Variants in EYS observed in about 807,000 individuals in gnomAD.
EYS encodes the protein protein eyes shut homolog.
A neutral mutation model predicts 282.1 loss-of-function variants in EYS; 250 were observed. The ratio of observed to expected loss-of-function variants is 0.89; its 90% CI spans 0.80 to 0.98. The LOEUF (loss-of-function observed/expected upper bound fraction) is 0.98, where lower values mean the gene tolerates loss of function less well. Among genes scored for constraint, EYS ranks in the 50% least tolerant of loss-of-function variants. The pLI is 0.00. For missense variants in EYS, 4,016 were observed against 3,709.0 expected, an observed-to-expected ratio of 1.08 and a Z score of -2.15; for synonymous variants, 1,355 against 1,282.9, an observed-to-expected ratio of 1.06 and a Z score of -1.20.
intron 35 of EYS, among the ~76,000 whole-genome samples, chr6:63,971,132 T>C (rs1361077264): frequency 1.3e-5 from 2 of 152,174 alleles, no homozygotes; most frequent in African/African-American, 4.8e-5. Flanking sequence ...CCTTACAAAG[T>C]TGTAAAGTAG....
intron 35 of EYS, among the ~76,000 whole-genome samples, chr6:63,980,741 T>A (rs12211469): frequency 0.24 from 35,940 of 151,678 alleles, 5,325 homozygotes; most frequent in Non-Finnish European, 0.33. Context: ...TTTAGAACTC[T>A]GCCTAGATGG....
At chr6:64,947,141 A>G (rs572281575) in intron 14 of EYS, among the ~76,000 whole-genome samples, 1 of 151,972 alleles carries the variant, frequency 6.6e-6, no homozygotes, top group African/African-American at 2.4e-5. Context: ...CCCTATGTTT[A>G]ATTAATGTTG....
intron 11 of EYS, among the ~76,000 whole-genome samples, chr6:65,315,543 G>A (rs1303340933): frequency 2.0e-5 from 3 of 151,286 alleles, no homozygotes; most frequent in African/African-American, 7.3e-5. Flanking sequence ...GAAATCATCT[G>A]TATAAATCTT....
intron 2 of EYS, among the ~76,000 whole-genome samples, chr6:65,619,570 G>A (rs1342771247): frequency 6.6e-6 from 1 of 151,936 alleles, no homozygotes; most frequent in African/African-American, 2.4e-5. Context: ...AATTGCCCTG[G>A]CCAGAACTTC....
At chr6:63,888,951 C>T (rs147224103) in intron 35 of EYS, among the ~76,000 whole-genome samples, 3,685 of 152,146 alleles carry the variant, frequency 0.024, 154 homozygotes, top group African/African-American at 0.085. Flanking sequence ...CATAAATGAC[C>T]TGATGGAGCT....
At chr6:65,134,131 G>A (rs1389547558) in intron 12 of EYS, among the ~76,000 whole-genome samples, 1 of 152,086 alleles carries the variant, frequency 6.6e-6, no homozygotes, top group Non-Finnish European at 1.5e-5. Flanking sequence ...GGCAAAAATT[G>A]TGGAGAAAAG....
At chr6:64,489,854 C>T (rs1562022486) in intron 26 of EYS, among the ~76,000 whole-genome samples, 1 of 150,502 alleles carries the variant, frequency 6.6e-6, no homozygotes, top group East Asian at 2.0e-4. Flanking sequence ...ATTGTGGAGC[C>T]CTTTACAAAG....
chr6:64,318,465 C>T lies in EYS; in HGVS notation c.6079-11383G>A, dbSNP rs183638410. ...ATATAGACTGCTGTATACAATATTC[C>T]AGATTTACAACTCAACAATTTTAAA... On this transcript the variant is annotated intron_variant, in intron 29 of 42. Coordinates refer to ENST00000503581, the MANE Select transcript of EYS (RefSeq NM_001142800.2). 6.6e-5 allele frequency among the ~76,000 whole-genome samples: 10 copies of T among 151,994 alleles called. No individual in the cohort carries two copies. The East Asian group carries it at 1.9e-3, about 29-fold the overall frequency.
intron 31 of EYS, among the ~76,000 whole-genome samples, chr6:64,100,643 T>C (rs1482173713): frequency 6.6e-6 from 1 of 152,174 alleles, no homozygotes; most frequent in African/African-American, 2.4e-5. Flanking sequence ...AAAAGTAAAC[T>C]TACATTTGCT....
At chr6:65,012,810 C>CAAAAAAAAA (rs3033918) in intron 13 of EYS, among the ~76,000 whole-genome samples, 2 of 117,656 alleles carry the variant, frequency 1.7e-5, no homozygotes, top group Non-Finnish European at 1.8e-5. Context: ...CCAAGTACAG[C>CAAAAAAAAA]AAAAAAAAAA....
chr6:65,287,112 G>A (rs1278655822), intron 12 of EYS, among the ~76,000 whole-genome samples: 1 of 151,200 alleles, frequency 6.6e-6, no homozygotes, highest in Non-Finnish European at 1.5e-5. Context: ...GAAATAGAAT[G>A]TCTATACACC....
At chr6:65,355,156 A>G (rs1178085051) in intron 8 of EYS, among the ~76,000 whole-genome samples, 1 of 152,100 alleles carries the variant, frequency 6.6e-6, no homozygotes, top group Non-Finnish European at 1.5e-5. Context: ...GATCCTGTAG[A>G]GTCATTTCTT....
At chr6:65,330,965 T>C in intron 11 of EYS, 1 of 984,406 alleles carries the variant, frequency 1.0e-6, no homozygotes, top group Non-Finnish European at 1.2e-6. Flanking sequence ...AAATTTCTCA[T>C]ATATTGAGTT....
intron 35 of EYS, among the ~76,000 whole-genome samples, chr6:63,964,887 G>T (rs1408308128): frequency 6.6e-6 from 1 of 152,190 alleles, no homozygotes; most frequent in Non-Finnish European, 1.5e-5. Flanking sequence ...AGATGAGGCA[G>T]TTACTGTCAT....
intron 22 of EYS, among the ~76,000 whole-genome samples, chr6:64,708,737 T>C (rs1194803403): frequency 6.6e-6 from 1 of 152,198 alleles, no homozygotes; most frequent in African/African-American, 2.4e-5. Context: ...ACTCACTACA[T>C]GTATAGCATC....
chr6:63,736,035 A>G (rs551605209), intron 41 of EYS, among the ~76,000 whole-genome samples: 24 of 152,268 alleles, frequency 1.6e-4, no homozygotes, highest in African/African-American at 5.5e-4. Flanking sequence ...AGATGATCAA[A>G]TATACAAATA....
At position 64,950,819 on chromosome 6, in the gene EYS, ATATATATATATATATT is replaced by A. The variant is rs1406264286; in HGVS notation, c.2260-4921_2260-4906del. Among the ~76,000 whole-genome samples the A allele has an allele frequency of 8.6e-4, 98 of 114,516 alleles. 2 individuals carry two copies. The highest frequency in any genetic ancestry group is 2.9e-3 in the African/African-American group (95 of 33,332). 75.1% of individuals were successfully genotyped at this position (114,516 alleles called of 152,430 possible). ...TATACATATATATATATATATATAT[ATATATATATATATATT>A]GTTGAATTGTTACAAGAACAACTGA... On this transcript the variant is annotated intron_variant, in intron 14 of 42. Coordinates refer to ENST00000503581, the MANE Select transcript of EYS (RefSeq NM_001142800.2).
chr6:64,222,859 A>C (rs1766142048), intron 31 of EYS, among the ~76,000 whole-genome samples: 1 of 151,994 alleles, frequency 6.6e-6, no homozygotes, highest in Non-Finnish European at 1.5e-5. Flanking sequence ...CAGTGAATGA[A>C]ATTAGAGGCA....
chr6:64,709,804 G>C (rs78930945), intron 22 of EYS, among the ~76,000 whole-genome samples: 2,686 of 152,256 alleles, frequency 0.018, 61 homozygotes, highest in African/African-American at 0.059. Flanking sequence ...TTTTAACTTT[G>C]TGGCATGAAA....
Sources: gnomAD v4.1 joint callset for allele counts (sites outside exome capture counted in the v4.1 genomes callset) on GRCh38, gnomAD v4.1.1 for gene constraint, MANE v1.5 for transcripts, NCBI Gene and HGNC (gene_info 2026-07-23, HGNC 2026-07-21) for gene names.